AGMO: variants seen among roughly 807,000 people sequenced by gnomAD.
AGMO encodes the protein glyceryl-ether monooxygenase.
Under a neutral mutation model 60.2 loss-of-function variants are expected in AGMO, and 75 were observed. The observed-to-expected ratio is 1.25, with a 90% confidence interval of 1.03 to 1.51. AGMO has a LOEUF of 1.51. Ranked by LOEUF, AGMO falls within the 40% of genes most tolerant of loss-of-function variation. The pLI is 0.00. For synonymous variants in AGMO, 261 were observed against 177.1 expected (o/e 1.47, Z -3.76); for missense variants, 763 against 525.5 (o/e 1.45, Z -4.42).
At chr7:15,353,331 G>A (rs1782330349) in intron 12 of AGMO, among the ~76,000 whole-genome samples, 1 of 152,112 alleles carries the variant, frequency 6.6e-6, no homozygotes, top group African/African-American at 2.4e-5. Flanking sequence ...CAGAAAGCTG[G>A]ATTTCTAACA....
At chr7:15,459,729 G>T (rs370038118) in intron 3 of AGMO, among the ~76,000 whole-genome samples, 2 of 151,780 alleles carry the variant, frequency 1.3e-5, no homozygotes, top group East Asian at 1.9e-4. Flanking sequence ...TTTTAAAACT[G>T]CATGGACTGT....
intron 3 of AGMO, among the ~76,000 whole-genome samples, chr7:15,449,332 TTC>T (rs71004379): frequency 0.18 from 26,181 of 149,576 alleles, 2,551 homozygotes; most frequent in African/African-American, 0.27. Flanking sequence ...GTGCTTCTCT[TTC>T]TCTCTCTCTC....
chr7:15,129,639 CCCACCA>C, the AGMO span, among the ~76,000 whole-genome samples: 6 of 152,010 alleles, frequency 3.9e-5, no homozygotes, highest in African/African-American at 1.4e-4. Flanking sequence ...GTATTAGTGG[CCCACCA>C]CCTGGGGCCA....
At chr7:15,530,518 T>C (rs1399431005) in intron 3 of AGMO, among the ~76,000 whole-genome samples, 28 of 73,958 alleles carry the variant, frequency 3.8e-4, no homozygotes, top group African/African-American at 1.3e-3. Context: ...TCTATATATA[T>C]ATTCTATATA....
At chr7:15,293,806 T>G (rs967225175) in intron 12 of AGMO, among the ~76,000 whole-genome samples, 17 of 152,212 alleles carry the variant, frequency 1.1e-4, no homozygotes, top group African/African-American at 4.8e-5. Flanking sequence ...AATAACACAT[T>G]GTCTTCATCA....
chr7:15,391,014 G>T, intron 6 of AGMO, 109 bp from the exon 7 acceptor site: 1 of 658,744 alleles, frequency 1.5e-6, no homozygotes, highest in Non-Finnish European at 2.5e-6. Context: ...TTTAAACAGG[G>T]TACAATTTCC....
intron 12 of AGMO, among the ~76,000 whole-genome samples, chr7:15,268,670 G>A (rs1261148296): frequency 1.3e-5 from 2 of 151,870 alleles, no homozygotes; most frequent in African/African-American, 4.8e-5. Flanking sequence ...GCTGGAAAAT[G>A]ATACATAGTC....
At chr7:15,491,480 T>C (rs1221355296) in intron 3 of AGMO, among the ~76,000 whole-genome samples, 2 of 152,178 alleles carry the variant, frequency 1.3e-5, no homozygotes, top group Admixed American at 1.3e-4. Flanking sequence ...AATTTAAGTA[T>C]AGTACTTATT....
chr7:15,354,469 T>C lies in AGMO; in HGVS notation c.1263+11045A>G, dbSNP rs1217227553. ...ACGTGTGTGTATACACACGTGTGTG[T>C]ATACACACGTGTGTATATACACACG... On this transcript the variant is annotated intron_variant, in intron 12 of 12. Coordinates refer to ENST00000342526, the MANE Select transcript of AGMO (RefSeq NM_001004320.2). Among the ~76,000 whole-genome samples the C allele has an allele frequency of 1.9e-4, 5 of 26,986 alleles. 1 individual carries two copies. Among genetic ancestry groups the C allele is most frequent in the African/African-American group, 8.6e-4 (4 of 4,644 alleles). 17.7% of individuals were successfully genotyped at this position (26,986 alleles called of 152,430 possible).
At chr7:15,448,161 G>A (rs1280922029) in intron 3 of AGMO, among the ~76,000 whole-genome samples, 1 of 152,162 alleles carries the variant, frequency 6.6e-6, no homozygotes, top group African/African-American at 2.4e-5. Context: ...GAATGTTTGT[G>A]TCCCTCCAAA....
intron 3 of AGMO, among the ~76,000 whole-genome samples, chr7:15,492,474 T>A (rs904265064): frequency 2.6e-5 from 4 of 152,014 alleles, no homozygotes; most frequent in African/African-American, 9.7e-5. Flanking sequence ...TCTTCTAGAA[T>A]TGCAGGTTCC....
At chr7:15,151,444 A>G in the AGMO span, among the ~76,000 whole-genome samples, 1 of 151,916 alleles carries the variant, frequency 6.6e-6, no homozygotes, top group Admixed American at 6.6e-5. Flanking sequence ...TTCTTTCTGT[A>G]GGTGTTCAGC....
intron 12 of AGMO, among the ~76,000 whole-genome samples, chr7:15,322,631 AAT>A (rs1221099622): frequency 6.0e-5 from 3 of 50,094 alleles, no homozygotes; most frequent in South Asian, 5.4e-4. Context: ...AATATATATA[AAT>A]ATATATAAAT....
chr7:15,152,704 A>G, the AGMO span, among the ~76,000 whole-genome samples: 6 of 152,170 alleles, frequency 3.9e-5, no homozygotes, highest in African/African-American at 1.4e-4. Context: ...GTGGTATTCC[A>G]TGATATAAAT....
intron 3 of AGMO, among the ~76,000 whole-genome samples, chr7:15,491,996 G>T (rs1352001812): frequency 1.3e-5 from 2 of 152,190 alleles, no homozygotes; most frequent in Non-Finnish European, 2.9e-5. Flanking sequence ...GAAAGTAAAA[G>T]ATAGTGAAAG....
At chr7:15,171,744 A>G in the AGMO span, among the ~76,000 whole-genome samples, 2 of 152,206 alleles carry the variant, frequency 1.3e-5, no homozygotes, top group African/African-American at 4.8e-5. Context: ...TTTCTTATTA[A>G]CATTTAATTA....
At chr7:15,268,941 T>A (rs1363908968) in intron 12 of AGMO, among the ~76,000 whole-genome samples, 1 of 152,002 alleles carries the variant, frequency 6.6e-6, no homozygotes, top group Non-Finnish European at 1.5e-5. Flanking sequence ...TTGACTTGAG[T>A]TTTGAAAATA....
intron 12 of AGMO, among the ~76,000 whole-genome samples, chr7:15,324,942 A>G (rs1183164516): frequency 1.3e-5 from 2 of 151,558 alleles, no homozygotes; most frequent in African/African-American, 4.9e-5. Flanking sequence ...GGAGTTGGGG[A>G]CCCCAGCTCT....
chr7:15,485,190 C>T (rs1201990852), intron 3 of AGMO, among the ~76,000 whole-genome samples: 2 of 145,822 alleles, frequency 1.4e-5, no homozygotes, highest in Non-Finnish European at 3.0e-5. Context: ...TGATGGCGGG[C>T]GCCTGAACCC....
Sources: allele counts gnomAD v4.1 joint callset (sites outside exome capture counted in the v4.1 genomes callset), GRCh38; gene constraint gnomAD v4.1.1; transcripts MANE v1.5; gene names NCBI Gene and HGNC (gene_info 2026-07-23, HGNC 2026-07-21).